Variants in UNC13C observed in about 807,000 individuals in gnomAD.
UNC13C encodes the protein unc-13 homolog C.
A neutral mutation model predicts 245.4 loss-of-function variants in UNC13C; 174 were observed. The observed-to-expected ratio is 0.71, with a 90% CI of 0.63 to 0.80. The LOEUF is 0.80. UNC13C is among the 30% of genes least tolerant of loss of function. UNC13C has a pLI of 0.00. For missense variants in UNC13C, 2,829 were observed against 2,602.9 expected (o/e 1.09, Z -1.89); for synonymous variants, 992 against 895.1 (o/e 1.11, Z -1.93).
chr15:54,490,111 G>A (rs1893628004), intron 19 of UNC13C, among the ~76,000 whole-genome samples: 1 of 152,148 alleles, frequency 6.6e-6, no homozygotes, highest in African/African-American at 2.4e-5. Context: ...CATGGGTTTA[G>A]AAGCAACTTT....
chr15:54,432,799 A>T (rs2040898591), intron 19 of UNC13C, among the ~76,000 whole-genome samples: 1 of 152,074 alleles, frequency 6.6e-6, no homozygotes, highest in African/African-American at 2.4e-5. Context: ...AAAAAAATCA[A>T]TGAATCCAAG....
At chr15:54,070,575 A>C (rs1898274595) in intron 2 of UNC13C, among the ~76,000 whole-genome samples, 1 of 152,104 alleles carries the variant, frequency 6.6e-6, no homozygotes, top group East Asian at 1.9e-4. Context: ...GTTAGCTTGC[A>C]TAGGTTTTTT....
intron 2 of UNC13C, among the ~76,000 whole-genome samples, chr15:54,109,235 A>G (rs1222843498): frequency 7.1e-6 from 1 of 141,504 alleles, no homozygotes; most frequent in Non-Finnish European, 1.5e-5. Flanking sequence ...TACAAACTAT[A>G]TTTTATTTTC....
chr15:53,871,629 T>G, the UNC13C span, among the ~76,000 whole-genome samples: 1 of 152,178 alleles, frequency 6.6e-6, no homozygotes, highest in African/African-American at 2.4e-5. Flanking sequence ...CATGAGCGAA[T>G]AAATGAATGA....
rs753810644 is a variant in UNC13C, at chr15:54,250,456, G to A, written c.3448+12G>A. On this transcript the variant is annotated intron_variant, in intron 8 of 32. Transcript: ENST00000260323. Reference sequence around the variant, plus strand: ...TGACTGCTTGCAGAGTGAGTACTTGGTTTGGCTGAAAAAGTGGTATGCAGA... The same window carrying A: ...TGACTGCTTGCAGAGTGAGTACTTGATTTGGCTGAAAAAGTGGTATGCAGA... 5.0e-5 allele frequency: 80 copies of A among 1,589,584 alleles called. No homozygotes were observed. In the Middle Eastern group the frequency reaches 8.7e-4, roughly 17 times the overall value.
At chr15:54,436,338 C>G (rs1056455899) in intron 19 of UNC13C, among the ~76,000 whole-genome samples, 5 of 151,990 alleles carry the variant, frequency 3.3e-5, no homozygotes, top group African/African-American at 7.2e-5. Context: ...ATAAATCATT[C>G]TGCTATAAAG....
Position 54,622,406 on chromosome 15 carries a change from A to C in UNC13C, c.6186A>C (p.Lys2062Asn). Residue 2062 changes from lysine to asparagine, a missense_variant, in exon 31 of 33, where the codon AAA becomes AAC. By Grantham distance (94) the Lys-to-Asn change is moderately conservative. Coordinates refer to ENST00000260323, the MANE Select transcript of UNC13C (RefSeq NM_001080534.3). ...ITATPGTGDH[K>N]VTVKVIAIND... is the part of the protein sequence containing the mutation. ...CCACCCCAGGAACGGGAGATCATAA[A>C]GTCACTGTAAAAGGTATACTTCTGG... 1.2e-6 allele frequency: 2 copies of C among 1,612,720 alleles called. No individual in the cohort carries two copies. Among genetic ancestry groups the C allele is most frequent in the Non-Finnish European group, 1.7e-6 (2 of 1,178,966 alleles).
At chr15:53,880,236 T>G in the UNC13C span, among the ~76,000 whole-genome samples, 97 of 152,274 alleles carry the variant, frequency 6.4e-4, no homozygotes, top group South Asian at 0.02. Context: ...TAAGAGCTCT[T>G]GAAGCACGGT....
At chr15:54,038,293 G>A (rs954246399) in intron 2 of UNC13C, among the ~76,000 whole-genome samples, 1 of 150,606 alleles carries the variant, frequency 6.6e-6, no homozygotes, top group Non-Finnish European at 1.5e-5. Context: ...AACAATGCCT[G>A]GCTAATTTTT....
chr15:54,265,294 A>G (rs1688728241), intron 9 of UNC13C, 61 bp from the exon 10 acceptor site: 1 of 1,286,298 alleles, frequency 7.8e-7, no homozygotes, highest in Non-Finnish European at 1.0e-6. Context: ...TGTCTTTGTT[A>G]TTATTATTTT....
chr15:54,428,151 A>T (rs2040796440), intron 19 of UNC13C, among the ~76,000 whole-genome samples: 1 of 151,682 alleles, frequency 6.6e-6, no homozygotes. Flanking sequence ...AACTTTGTAG[A>T]CTCAGATATC....
the UNC13C span, among the ~76,000 whole-genome samples, chr15:53,969,333 C>T: frequency 7.9e-5 from 12 of 152,156 alleles, no homozygotes; most frequent in Admixed American, 3.9e-4. Flanking sequence ...ATTCTATCCT[C>T]TAACTCAAGC....
chr15:53,852,411 A>G, the UNC13C span, among the ~76,000 whole-genome samples: 1 of 152,162 alleles, frequency 6.6e-6, no homozygotes, highest in African/African-American at 2.4e-5. Context: ...GGTTTTCTAC[A>G]ATTACTCCTT....
At chr15:53,870,145 T>G in the UNC13C span, among the ~76,000 whole-genome samples, 1 of 152,224 alleles carries the variant, frequency 6.6e-6, no homozygotes, top group Non-Finnish European at 1.5e-5. Flanking sequence ...CTCATTGTCC[T>G]TATATAATAT....
chr15:54,397,061 T>G (rs1264805517), intron 18 of UNC13C, among the ~76,000 whole-genome samples: 1 of 151,404 alleles, frequency 6.6e-6, no homozygotes, highest in African/African-American at 2.4e-5. Context: ...ATTGATCAGT[T>G]TCTTTTATAG....
At chr15:54,462,594 C>A (rs1306125538) in intron 19 of UNC13C, among the ~76,000 whole-genome samples, 1 of 152,240 alleles carries the variant, frequency 6.6e-6, no homozygotes, top group African/African-American at 2.4e-5. Flanking sequence ...GGCTTAGCAC[C>A]TGGGCCAGCA....
Position 54,015,929 on chromosome 15 carries a change from A to G in UNC13C, c.2983+43A>G, listed in dbSNP as rs1365024867. 4.8e-6 allele frequency: 7 copies of G among 1,450,778 alleles called. No homozygotes were observed. The African/African-American group carries it at 8.6e-5, about 18-fold the overall frequency. The allele number at this position is 1,450,778 out of a possible 1,614,324, so 89.9% of individuals were successfully genotyped here. A position where few individuals can be genotyped will look rare whatever the true frequency, so the allele number is the denominator to read the frequency against. The stretch of plus-strand genomic sequence containing the variant: ...CTACATTGTGAGCTAATTGTGTTTT[A>G]ACATTGGGTAGCACTTCTTTAGAGC... On this transcript the variant is annotated intron_variant, in intron 2 of 32. Coordinates refer to ENST00000260323, the MANE Select transcript of UNC13C (RefSeq NM_001080534.3).
intron 19 of UNC13C, among the ~76,000 whole-genome samples, chr15:54,465,038 G>A (rs1369152977): frequency 6.6e-6 from 1 of 151,984 alleles, no homozygotes; most frequent in Non-Finnish European, 1.5e-5. Context: ...ATACATATCT[G>A]ATGGCAGCAT....
At chr15:54,270,829 A>C (rs1437653352) in intron 10 of UNC13C, among the ~76,000 whole-genome samples, 2 of 152,112 alleles carry the variant, frequency 1.3e-5, no homozygotes, top group Non-Finnish European at 2.9e-5. Flanking sequence ...CCTGTTGTGA[A>C]GCCACAAATA....
Sources: allele counts gnomAD v4.1 joint callset (sites outside exome capture counted in the v4.1 genomes callset), GRCh38; gene constraint gnomAD v4.1.1; transcripts MANE v1.5; gene names NCBI Gene and HGNC (gene_info 2026-07-23, HGNC 2026-07-21).